Variants in GRIP1 observed in about 807,000 individuals in gnomAD.
GRIP1 encodes the protein glutamate receptor interacting protein 1, also known as glutamate receptor-interacting protein 1.
In GRIP1, 45 loss-of-function variants were observed where a neutral mutation model predicts 129.9. The ratio of observed to expected loss-of-function variants is 0.35; its 90% CI spans 0.27 to 0.44. The LOEUF (loss-of-function observed/expected upper bound fraction) is 0.44, where lower values mean the gene tolerates loss of function less well. Ranked by LOEUF, GRIP1 falls within the 20% of genes least tolerant of loss-of-function variation. GRIP1 has a pLI of 1.00. For missense variants in GRIP1, 1,196 were observed against 1,396.8 expected, an observed-to-expected ratio of 0.86 and a Z score of 2.29; for synonymous variants, 530 against 520.8, an observed-to-expected ratio of 1.02 and a Z score of -0.24.
intron 1 of GRIP1, among the ~76,000 whole-genome samples, chr12:67,047,811 C>T (rs553371452): frequency 9.9e-5 from 15 of 152,250 alleles, no homozygotes; most frequent in African/African-American, 2.4e-4. Flanking sequence ...TACTGAGTCA[C>T]GGTTTGTATA....
At chr12:66,437,966 A>G (rs1364670662) in intron 13 of GRIP1, among the ~76,000 whole-genome samples, 2 of 152,252 alleles carry the variant, frequency 1.3e-5, no homozygotes, top group East Asian at 1.9e-4. Flanking sequence ...GGTTTCCCCA[A>G]TTGAGCCTCA....
intron 1 of GRIP1, among the ~76,000 whole-genome samples, chr12:66,968,773 G>GC (rs74584250): frequency 0.1 from 12,878 of 124,858 alleles, 605 homozygotes; most frequent in East Asian, 0.19. Flanking sequence ...AATGAGAAAA[G>GC]CAAAAGATTT....
At chr12:66,893,816 CAT>C (rs1250479290) in intron 1 of GRIP1, among the ~76,000 whole-genome samples, 2 of 152,168 alleles carry the variant, frequency 1.3e-5, no homozygotes, top group African/African-American at 4.8e-5. Flanking sequence ...AATCAAAGGT[CAT>C]GTTAAATCAC....
intron 5 of GRIP1, among the ~76,000 whole-genome samples, chr12:66,525,499 C>G (rs1489961468): frequency 6.6e-6 from 1 of 151,592 alleles, no homozygotes; most frequent in Non-Finnish European, 1.5e-5. Context: ...GCTAAAAACT[C>G]TCAATAAATT....
At chr12:66,822,075 A>G (rs2039331282) in intron 1 of GRIP1, among the ~76,000 whole-genome samples, 1 of 152,110 alleles carries the variant, frequency 6.6e-6, no homozygotes, top group African/African-American at 2.4e-5. Flanking sequence ...TGGTATTCAG[A>G]AAGCATCATG....
At chr12:66,989,877 G>T (rs1592436087) in intron 1 of GRIP1, among the ~76,000 whole-genome samples, 2 of 152,180 alleles carry the variant, frequency 1.3e-5, no homozygotes, top group Non-Finnish European at 2.9e-5. Flanking sequence ...TGCAAAGTGA[G>T]AGGCAGGGAA....
intron 2 of GRIP1, among the ~76,000 whole-genome samples, chr12:66,547,396 C>A (rs550141899): frequency 6.6e-6 from 1 of 152,078 alleles, no homozygotes; most frequent in African/African-American, 2.4e-5. Flanking sequence ...ATGCAACCAC[C>A]CTATGAGCCA....
chr12:67,049,968 T>A (rs2043315666), intron 1 of GRIP1, among the ~76,000 whole-genome samples: 1 of 144,696 alleles, frequency 6.9e-6, no homozygotes, highest in African/African-American at 2.6e-5. Flanking sequence ...GTATTTGAAT[T>A]TCTTTTTTTT....
chr12:66,577,185 A>G (rs1310010797), intron 2 of GRIP1, among the ~76,000 whole-genome samples: 1 of 152,214 alleles, frequency 6.6e-6, no homozygotes. Flanking sequence ...GAGATGATAG[A>G]TGTATTCAAG....
At chr12:66,415,120 A>C (rs2057552104) in intron 15 of GRIP1, among the ~76,000 whole-genome samples, 2 of 152,018 alleles carry the variant, frequency 1.3e-5, no homozygotes, top group Non-Finnish European at 2.9e-5. Flanking sequence ...GCAACAAAAG[A>C]AACTTTGATA....
intron 1 of GRIP1, among the ~76,000 whole-genome samples, chr12:66,925,315 G>A (rs1413215128): frequency 2.0e-5 from 3 of 152,106 alleles, no homozygotes; most frequent in Admixed American, 2.0e-4. Context: ...AAAGCAGCAT[G>A]CACTCCCCAA....
At chr12:66,468,744 G>T (rs894465377) in intron 7 of GRIP1, among the ~76,000 whole-genome samples, 27 of 147,666 alleles carry the variant, frequency 1.8e-4, no homozygotes, top group African/African-American at 5.6e-4. Flanking sequence ...TGGTTTTAAT[G>T]TTCCAATGAT....
intron 1 of GRIP1, among the ~76,000 whole-genome samples, chr12:66,919,800 A>G (rs2041183880): frequency 6.6e-6 from 1 of 152,200 alleles, no homozygotes; most frequent in Non-Finnish European, 1.5e-5. Context: ...CAGACACTCA[A>G]ATAAAGAGCT....
chr12:66,723,537 T>C (rs1213909667), intron 1 of GRIP1, among the ~76,000 whole-genome samples: 1 of 151,864 alleles, frequency 6.6e-6, no homozygotes, highest in African/African-American at 2.4e-5. Flanking sequence ...GGTCTCAAAC[T>C]CCTGACCTCA....
chr12:66,591,823 T>C (rs776980597), intron 2 of GRIP1, among the ~76,000 whole-genome samples: 1 of 151,912 alleles, frequency 6.6e-6, no homozygotes. Context: ...AGAGACAGGG[T>C]TTCACCATGT....
intron 1 of GRIP1, among the ~76,000 whole-genome samples, chr12:66,879,244 T>C (rs1409374529): frequency 2.0e-5 from 3 of 151,458 alleles, no homozygotes; most frequent in Admixed American, 6.6e-5. Flanking sequence ...CTATTTTTAT[T>C]TGCAAGTCTG....
At chr12:66,973,489 T>C (rs1312034418) in intron 1 of GRIP1, among the ~76,000 whole-genome samples, 1 of 151,436 alleles carries the variant, frequency 6.6e-6, no homozygotes, top group East Asian at 1.9e-4. Flanking sequence ...TATAGGAGAG[T>C]GTATTTTGAA....
In GRIP1 at chr12:66,401,609, T is replaced by TATATATATATACATAC. The variant is rs1169241331; in HGVS notation, c.1984+4673_1984+4674insGTATGTATATATATAT. ...AAAAAAATATGTGTGTATATATATATACACACACACACACACACACACACA... is the reference window on the plus strand; with the variant it reads ...AAAAAAATATGTGTGTATATATATATATATATATATACATACACACACACACACACACACACACACA... On this transcript the variant is annotated intron_variant, in intron 16 of 24. Transcript: ENST00000359742. 4.5e-5 allele frequency among the ~76,000 whole-genome samples: 5 copies of TATATATATATACATAC among 110,176 alleles called. 1 individual carries two copies. Among genetic ancestry groups the TATATATATATACATAC allele is most frequent in the African/African-American group, 7.5e-5 (2 of 26,770 alleles). 72.3% of individuals were successfully genotyped at this position (110,176 alleles called of 152,430 possible).
At chr12:66,671,728 C>T (rs981098969) in intron 1 of GRIP1, among the ~76,000 whole-genome samples, 13 of 152,160 alleles carry the variant, frequency 8.5e-5, no homozygotes, top group African/African-American at 3.1e-4. Context: ...TTAGATATTA[C>T]GGTATCCAAA....
Sources: allele counts gnomAD v4.1 joint callset (sites outside exome capture counted in the v4.1 genomes callset), GRCh38; gene constraint gnomAD v4.1.1; transcripts MANE v1.5; gene names NCBI Gene and HGNC (gene_info 2026-07-23, HGNC 2026-07-21).